The following KLHL1 variants were observed in gnomAD, a reference collection of about 807,000 sequenced individuals.
KLHL1 encodes the protein kelch-like protein 1.
KLHL1 carries 47 observed loss-of-function variants against 77.7 expected under a neutral mutation model. The observed-to-expected ratio is 0.60, with a 90% CI of 0.48 to 0.77. KLHL1 has a LOEUF of 0.77. Among genes scored for constraint, KLHL1 ranks in the 30% least tolerant of loss-of-function variants. The pLI, the probability that KLHL1 is intolerant of heterozygous loss-of-function variation, is 0.00. For synonymous variants in KLHL1, 360 were observed against 325.2 expected, an observed-to-expected ratio of 1.11 and a Z score of -1.15; for missense variants, 925 against 910.8, an observed-to-expected ratio of 1.02 and a Z score of -0.20.
intron 1 of KLHL1, among the ~76,000 whole-genome samples, chr13:70,101,342 G>A (rs540605124): frequency 2.0e-4 from 30 of 151,686 alleles, no homozygotes; most frequent in East Asian, 1.5e-3. Flanking sequence ...TAAGTACATC[G>A]TAGTATAAAC....
chr13:69,800,197 T>C (rs2138044436), intron 6 of KLHL1, among the ~76,000 whole-genome samples: 1 of 152,316 alleles, frequency 6.6e-6, no homozygotes, highest in South Asian at 2.1e-4. Flanking sequence ...CCCTTGTGAT[T>C]ACAATGGGCT....
At chr13:69,852,454 A>G (rs529542761) in intron 5 of KLHL1, among the ~76,000 whole-genome samples, 9 of 152,070 alleles carry the variant, frequency 5.9e-5, no homozygotes, top group Non-Finnish European at 1.3e-4. Flanking sequence ...TCTGATTTCA[A>G]TAATGACGTG....
In KLHL1 at chr13:69,906,965, T is replaced by A. The variant is rs376654295; in HGVS notation, c.1015-24470A>T. Among the ~76,000 whole-genome samples the A allele has an allele frequency of 9.9e-5, 15 of 152,156 alleles. No individual in the cohort carries two copies. In the East Asian group the frequency reaches 2.9e-3, roughly 29 times the overall value. ...GCTATTTTGCAAAGAAAATGAGTTC[T>A]CACTTTTCTGATTAAACTACTTATT... On this transcript the variant is annotated intron_variant, in intron 4 of 10. Coordinates refer to ENST00000377844, the MANE Select transcript of KLHL1 (RefSeq NM_020866.3).
At chr13:70,100,521 G>T (rs1029121807) in intron 1 of KLHL1, among the ~76,000 whole-genome samples, 1 of 152,066 alleles carries the variant, frequency 6.6e-6, no homozygotes, top group South Asian at 2.1e-4. Flanking sequence ...TTTTAGTAGA[G>T]ACGGGGTTTC....
chr13:70,035,966 CATT>C (rs1431517899), intron 1 of KLHL1, among the ~76,000 whole-genome samples: 1 of 151,954 alleles, frequency 6.6e-6, no homozygotes, highest in African/African-American at 2.4e-5. Flanking sequence ...TTATGTAATA[CATT>C]ATTATTTAAT....
intron 7 of KLHL1, among the ~76,000 whole-genome samples, chr13:69,793,357 G>A (rs1876955167): frequency 1.3e-5 from 2 of 151,934 alleles, no homozygotes; most frequent in Non-Finnish European, 2.9e-5. Context: ...CTCCCTTGAT[G>A]TCACAGAATT....
At chr13:69,831,240 C>T (rs1878748671) in intron 6 of KLHL1, among the ~76,000 whole-genome samples, 1 of 149,700 alleles carries the variant, frequency 6.7e-6, no homozygotes, top group African/African-American at 2.5e-5. Context: ...TCAAAATAGG[C>T]TCAATTAGAA....
chr13:69,910,569 A>C (rs2138242475), intron 4 of KLHL1, among the ~76,000 whole-genome samples: 1 of 152,274 alleles, frequency 6.6e-6, no homozygotes, highest in Middle Eastern at 3.4e-3. Flanking sequence ...AGACAAGCTC[A>C]GATAATGTTC....
Position 69,975,497 on chromosome 13 carries a change from C to T in KLHL1, c.680+123G>A, listed in dbSNP as rs545677058. On this transcript the variant is annotated intron_variant, in intron 2 of 10. Coordinates refer to ENST00000377844, the MANE Select transcript of KLHL1 (RefSeq NM_020866.3). Reference sequence around the variant, plus strand: ...TAAACAAAACAAACAACAACAACAACAAAAAACTTAAAAAAATGTGAATCC... The same window carrying T: ...TAAACAAAACAAACAACAACAACAATAAAAAACTTAAAAAAATGTGAATCC... 6.3e-6 allele frequency: 5 copies of T among 796,798 alleles called. No individual in the cohort carries two copies. In the East Asian group the frequency reaches 1.3e-4, roughly 20 times the overall value. The allele number at this position is 796,798 out of a possible 1,614,324, so 49.4% of individuals were successfully genotyped here.
chr13:69,912,834 G>A (rs148383881), intron 4 of KLHL1, among the ~76,000 whole-genome samples: 1,613 of 152,182 alleles, frequency 0.011, 12 homozygotes, highest in Middle Eastern at 0.044. Flanking sequence ...TGCTGCTTGA[G>A]TCCTGCTGGG....
At chr13:69,711,410 A>G (rs546527856) in intron 9 of KLHL1, among the ~76,000 whole-genome samples, 103 of 152,254 alleles carry the variant, frequency 6.8e-4, no homozygotes, top group Non-Finnish European at 1.2e-3. Context: ...TTTCAAGTAC[A>G]TTAATCACAA....
chr13:70,068,569 A>G (rs999756358), intron 1 of KLHL1, among the ~76,000 whole-genome samples: 1 of 152,202 alleles, frequency 6.6e-6, no homozygotes, highest in African/African-American at 2.4e-5. Context: ...TTATATTTCC[A>G]GTAATTTTAT....
chr13:70,105,532 T>TA (rs1365273904), intron 1 of KLHL1, among the ~76,000 whole-genome samples: 1 of 151,422 alleles, frequency 6.6e-6, no homozygotes, highest in African/African-American at 2.4e-5. Flanking sequence ...CCTGAGCTGT[T>TA]AGAGTCTCAA....
chr13:69,817,557 C>T lies in KLHL1; in HGVS notation c.1415-20595G>A, dbSNP rs531526068. ...CTTCTATTTATCTCTAAATCTTTTACTTATTCTCTGCAAGTCTGTATCATA... is the reference window on the plus strand; with the variant it reads ...CTTCTATTTATCTCTAAATCTTTTATTTATTCTCTGCAAGTCTGTATCATA... On this transcript the variant is annotated intron_variant, in intron 6 of 10. Coordinates refer to ENST00000377844, the MANE Select transcript of KLHL1 (RefSeq NM_020866.3). Among the ~76,000 whole-genome samples, 4 of 152,346 alleles carry T rather than the reference C, an allele frequency of 2.6e-5. No individual in the cohort carries two copies. In the East Asian group the frequency reaches 7.7e-4, roughly 29 times the overall value.
chr13:70,037,840 T>G (rs974862377), intron 1 of KLHL1, among the ~76,000 whole-genome samples: 2 of 152,182 alleles, frequency 1.3e-5, no homozygotes, highest in Non-Finnish European at 2.9e-5. Flanking sequence ...AGGGTTTTTT[T>G]GCCAATATGT....
chr13:69,780,933 T>A (rs1184428660), intron 7 of KLHL1, among the ~76,000 whole-genome samples: 1 of 151,776 alleles, frequency 6.6e-6, no homozygotes, highest in Non-Finnish European at 1.5e-5. Context: ...GCGGCAGATT[T>A]CTCCACTCCA....
At chr13:69,751,266 A>G (rs1033003599) in intron 7 of KLHL1, among the ~76,000 whole-genome samples, 1 of 151,986 alleles carries the variant, frequency 6.6e-6, no homozygotes, top group Non-Finnish European at 1.5e-5. Context: ...CTTGCATTTC[A>G]TGGATTCATT....
intron 4 of KLHL1, among the ~76,000 whole-genome samples, chr13:69,929,451 A>C (rs2138278905): frequency 1.3e-5 from 2 of 152,054 alleles, no homozygotes; most frequent in East Asian, 3.9e-4. Context: ...GGTAAAATTA[A>C]AAGGGGTAGC....
chr13:69,788,621 C>T (rs1876692579), intron 7 of KLHL1, among the ~76,000 whole-genome samples: 1 of 151,938 alleles, frequency 6.6e-6, no homozygotes, highest in Non-Finnish European at 1.5e-5. Context: ...TGTAACAAAC[C>T]TGCACATTGT....
Sources: gnomAD v4.1 joint callset for allele counts (sites outside exome capture counted in the v4.1 genomes callset) on GRCh38, gnomAD v4.1.1 for gene constraint, MANE v1.5 for transcripts, NCBI Gene and HGNC (gene_info 2026-07-23, HGNC 2026-07-21) for gene names.